ARHGAP28: variants seen among roughly 807,000 people sequenced by gnomAD.
The protein encoded by ARHGAP28 is rho GTPase-activating protein 28.
In ARHGAP28, 56 loss-of-function variants were observed where a neutral mutation model predicts 90.7. That is an observed-to-expected ratio of 0.62 (90% CI 0.50 to 0.77). The LOEUF is 0.77. Among genes scored for constraint, ARHGAP28 ranks in the 30% least tolerant of loss-of-function variants. ARHGAP28 has a pLI of 0.00. For missense variants in ARHGAP28, 869 were observed against 900.9 expected, an observed-to-expected ratio of 0.96 and a Z score of 0.45; for synonymous variants, 308 against 323.3, an observed-to-expected ratio of 0.95 and a Z score of 0.51.
At chr18:6,774,747 G>C (rs2056270291) in intron 1 of ARHGAP28, among the ~76,000 whole-genome samples, 1 of 152,198 alleles carries the variant, frequency 6.6e-6, no homozygotes, top group African/African-American at 2.4e-5. Context: ...CTTTCCTCCT[G>C]CTGTCAGCGC....
At position 6,915,332 on chromosome 18, in the gene ARHGAP28, A is replaced by G. The variant is rs1386529648; in HGVS notation, c.*3178A>G. The G allele has an allele frequency of 6.6e-6, 1 of 152,214 alleles. No homozygotes were observed. The highest frequency in any genetic ancestry group is 1.5e-5 in the Non-Finnish European group (1 of 68,032). The allele number at this position is 152,214 out of a possible 1,614,324, so 9.4% of individuals were successfully genotyped here. Reference sequence around the variant, plus strand: ...AAAATGTCCCTTCTTCCTAGCGAGCATATTTCAACTGTTCTTCATAAATGT... The same window carrying G: ...AAAATGTCCCTTCTTCCTAGCGAGCGTATTTCAACTGTTCTTCATAAATGT... On this transcript the variant is annotated 3_prime_UTR_variant, in exon 18 of 18. Coordinates refer to ENST00000383472, the MANE Select transcript of ARHGAP28 (RefSeq NM_001366230.1).
chr18:6,802,673 G>A (rs1366006961), intron 1 of ARHGAP28, among the ~76,000 whole-genome samples: 2 of 151,788 alleles, frequency 1.3e-5, no homozygotes, highest in Non-Finnish European at 2.9e-5. Context: ...GTGTTTTGAG[G>A]AACTTCTATA....
intron 3 of ARHGAP28, among the ~76,000 whole-genome samples, chr18:6,841,180 CCTCTCTCTCTCTCTCT>C (rs143797436): frequency 3.5e-5 from 2 of 57,064 alleles, no homozygotes; most frequent in African/African-American, 2.1e-4. Flanking sequence ...CTCTCTCTCT[CCTCTCTCTCTCTCTCT>C]CTCTCTCCTC....
intron 1 of ARHGAP28, among the ~76,000 whole-genome samples, chr18:6,800,856 A>G (rs943896750): frequency 2.6e-5 from 4 of 152,208 alleles, no homozygotes; most frequent in Admixed American, 6.5e-5. Context: ...CTTAAAGTAT[A>G]ATTTAAAAAA....
chr18:6,750,229 A>G (rs1386838256), intron 1 of ARHGAP28, among the ~76,000 whole-genome samples: 1 of 152,146 alleles, frequency 6.6e-6, no homozygotes, highest in Non-Finnish European at 1.5e-5. Context: ...TTTTGCTTCT[A>G]ATTTTACAGA....
intron 4 of ARHGAP28, among the ~76,000 whole-genome samples, chr18:6,853,983 TG>T (rs1268530292): frequency 6.6e-6 from 1 of 152,138 alleles, no homozygotes; most frequent in Admixed American, 6.5e-5. Flanking sequence ...TCCCTAACCT[TG>T]GCAAAATAAA....
chr18:6,904,620 A>ACCCC (rs1376634549), intron 16 of ARHGAP28, among the ~76,000 whole-genome samples: 1 of 152,176 alleles, frequency 6.6e-6, no homozygotes, highest in Non-Finnish European at 1.5e-5. Context: ...AAAACAGGAA[A>ACCCC]ACGAGAAAGA....
At chr18:6,909,284 T>G (rs914355346) in intron 17 of ARHGAP28, among the ~76,000 whole-genome samples, 1 of 54,868 alleles carries the variant, frequency 1.8e-5, no homozygotes, top group South Asian at 4.5e-4. Context: ...GCTTTTCTTT[T>G]CTTTTCTTTT....
chr18:6,772,475 A>T (rs976768037), intron 1 of ARHGAP28, among the ~76,000 whole-genome samples: 1 of 152,192 alleles, frequency 6.6e-6, no homozygotes, highest in Non-Finnish European at 1.5e-5. Flanking sequence ...TTCTGTAGAG[A>T]CCATACTTGG....
chr18:6,782,629 T>A (rs1001474104), intron 1 of ARHGAP28, among the ~76,000 whole-genome samples: 1 of 113,096 alleles, frequency 8.8e-6, no homozygotes, highest in East Asian at 2.8e-4. Flanking sequence ...TTTTTTTTTT[T>A]AGTAGAGACG....
chr18:6,798,249 A>G (rs745724471), intron 1 of ARHGAP28, among the ~76,000 whole-genome samples: 8 of 152,100 alleles, frequency 5.3e-5, no homozygotes, highest in Admixed American at 1.3e-4. Context: ...TCTGCAGTGC[A>G]ATGGCGCAAT....
intron 1 of ARHGAP28, among the ~76,000 whole-genome samples, chr18:6,822,016 G>A (rs1458625899): frequency 6.6e-6 from 1 of 151,600 alleles, no homozygotes; most frequent in African/African-American, 2.4e-5. Context: ...ATATCCAGGT[G>A]CAGCCATTGA....
At chr18:6,830,293 T>C (rs1236940039) in intron 2 of ARHGAP28, among the ~76,000 whole-genome samples, 1 of 152,216 alleles carries the variant, frequency 6.6e-6, no homozygotes, top group Non-Finnish European at 1.5e-5. Flanking sequence ...TCTTTCTTTT[T>C]TTTTCTTTAC....
At position 6,876,133 on chromosome 18, in the gene ARHGAP28, T is replaced by C. The variant is rs758359951; in HGVS notation, c.1215T>C (p.Phe405=). Residue 405 remains phenylalanine (F), a splice_region_variant and synonymous_variant, in exon 10 of 18, where the codon TTT becomes TTC. Coordinates refer to ENST00000383472, the MANE Select transcript of ARHGAP28 (RefSeq NM_001366230.1). Reference sequence around the variant, plus strand: ...GGTAATATATCATTGCTTTCTAGTTTTTTGAGAAAGTTGAGGAATCAGGTC... The same window carrying C: ...GGTAATATATCATTGCTTTCTAGTTCTTTGAGAAAGTTGAGGAATCAGGTC... ...GVKVPLVLQK[F]FEKVEESGLE... 6.2e-7 allele frequency: 1 copy of C among 1,613,308 alleles called. No homozygotes were observed. The highest frequency in any genetic ancestry group is 8.5e-7 in the Non-Finnish European group (1 of 1,179,398).
At chr18:6,758,722 C>T (rs1173537146) in intron 1 of ARHGAP28, among the ~76,000 whole-genome samples, 1 of 152,182 alleles carries the variant, frequency 6.6e-6, no homozygotes, top group East Asian at 1.9e-4. Context: ...TCTAGTTAAA[C>T]ATTTGTAGGT....
At chr18:6,870,843 C>A (rs557067661) in intron 7 of ARHGAP28, 111 bp downstream of exon 7, 8 of 1,201,610 alleles carry the variant, frequency 6.7e-6, no homozygotes, top group Non-Finnish European at 9.1e-6. Context: ...TCTATTGCCC[C>A]AGGCTGGAGT....
rs536054304 is a variant in ARHGAP28 at position 6,745,605 on chromosome 18, A to G, written c.122+15662A>G. Among the ~76,000 whole-genome samples the G allele has an allele frequency of 5.9e-5, 9 of 152,300 alleles. No homozygotes were observed. The East Asian group carries it at 1.7e-3, about 29-fold the overall frequency. ...AGATATATAACATCTCCCTCGCCCC[A>G]GACATTTTCTTCATGCACTTTGTTC... is the stretch of plus-strand genomic sequence containing the variant. On this transcript the variant is annotated intron_variant, in intron 1 of 17. Transcript: ENST00000383472.
intron 2 of ARHGAP28, among the ~76,000 whole-genome samples, chr18:6,834,708 G>A (rs1293566025): frequency 3.3e-5 from 5 of 152,124 alleles, no homozygotes; most frequent in African/African-American, 7.2e-5. Flanking sequence ...CCAGGGTCAC[G>A]GCAGAAGAGA....
At chr18:6,858,268 T>G (rs2143358582) in intron 4 of ARHGAP28, among the ~76,000 whole-genome samples, 1 of 152,320 alleles carries the variant, frequency 6.6e-6, no homozygotes, top group Middle Eastern at 3.4e-3. Flanking sequence ...TCTGCGGCCC[T>G]TTCTTATTCT....
Sources: gnomAD v4.1 joint callset for allele counts (sites outside exome capture counted in the v4.1 genomes callset) on GRCh38, gnomAD v4.1.1 for gene constraint, MANE v1.5 for transcripts, NCBI Gene and HGNC (gene_info 2026-07-23, HGNC 2026-07-21) for gene names.